The following PLCB1 variants were observed in gnomAD, a reference collection of about 807,000 sequenced individuals.
PLCB1 encodes 1-phosphatidylinositol 4,5-bisphosphate phosphodiesterase beta-1.
In PLCB1, 46 loss-of-function variants were observed where a neutral mutation model predicts 161.8. That is an observed-to-expected ratio of 0.28 (90% CI 0.22 to 0.36). The LOEUF is 0.36. PLCB1 is among the 10% of genes least tolerant of loss of function. PLCB1 has a pLI of 1.00. For synonymous variants in PLCB1, 517 were observed against 503.7 expected (o/e 1.03, Z -0.35); for missense variants, 1,016 against 1,472.5 (o/e 0.69, Z 5.07).
intron 12 of PLCB1, chr20:8,715,983 TCAAGGCTCCAGTTACAG>T (rs1314774540): frequency 2.8e-6 from 1 of 351,628 alleles, no homozygotes; most frequent in East Asian, 4.5e-5. Flanking sequence ...TCTGGGAATT[TCAAGGCTCCAGTTACAG>T]CAAATGACAT....
chr20:8,327,421 T>A (rs1482133670), intron 2 of PLCB1, among the ~76,000 whole-genome samples: 1 of 152,200 alleles, frequency 6.6e-6, no homozygotes, highest in Admixed American at 6.5e-5. Flanking sequence ...AAATCACAGA[T>A]GTTCACATTC....
rs576915824 is a variant in PLCB1 at position 8,264,166 on chromosome 20, G to A, written c.178-107216G>A. Among the ~76,000 whole-genome samples, 148 of 152,046 alleles carry A rather than the reference G, an allele frequency of 9.7e-4. 2 individuals are homozygous for A. The highest frequency in any genetic ancestry group is 3.2e-3 in the African/African-American group (134 of 41,486). ...TATTTAGTTTTTACTTTTTAAACTT[G>A]TTTGTTAAAAACTAAGATGCAAACA... On this transcript the variant is annotated intron_variant, in intron 2 of 31. Coordinates refer to ENST00000338037, the MANE Select transcript of PLCB1 (RefSeq NM_015192.4).
At position 8,611,501 on chromosome 20, in the gene PLCB1, G is replaced by T. The variant is rs527545328; in HGVS notation, c.247-16793G>T. 5.9e-5 allele frequency among the ~76,000 whole-genome samples: 9 copies of T among 152,178 alleles called. No individual in the cohort carries two copies. In the East Asian group the frequency reaches 1.7e-3, roughly 29 times the overall value. On this transcript the variant is annotated intron_variant, in intron 3 of 31. Coordinates refer to ENST00000338037, the MANE Select transcript of PLCB1 (RefSeq NM_015192.4). Reference sequence around the variant, plus strand: ...GATTACCTTAAAATGTAAGAAGCCTGTATTATGACTTTATTTTAATAATAA... The same window carrying T: ...GATTACCTTAAAATGTAAGAAGCCTTTATTATGACTTTATTTTAATAATAA...
intron 3 of PLCB1, among the ~76,000 whole-genome samples, chr20:8,483,715 C>T (rs1982602599): frequency 6.6e-6 from 1 of 151,994 alleles, no homozygotes; most frequent in African/African-American, 2.4e-5. Context: ...TTAAATTCTT[C>T]TAGATTAAAA....
chr20:8,789,622 A>G (rs761841014), intron 30 of PLCB1, 47 bp downstream of exon 30: 41 of 1,389,924 alleles, frequency 2.9e-5, no homozygotes, highest in Non-Finnish European at 4.2e-5. Context: ...ATGTGTGAAC[A>G]TTTGGTGAGC....
chr20:8,541,176 G>C (rs1985299388), intron 3 of PLCB1, among the ~76,000 whole-genome samples: 1 of 152,116 alleles, frequency 6.6e-6, no homozygotes, highest in South Asian at 2.1e-4. Flanking sequence ...AGGAATTTAG[G>C]CTTCAGATCC....
At chr20:8,157,051 T>C (rs1011182870) in intron 2 of PLCB1, among the ~76,000 whole-genome samples, 10 of 152,220 alleles carry the variant, frequency 6.6e-5, no homozygotes, top group Non-Finnish European at 7.3e-5. Flanking sequence ...TCTTTTGATC[T>C]GAAACATTGA....
At chr20:8,713,620 G>A (rs1979141144) in intron 12 of PLCB1, among the ~76,000 whole-genome samples, 1 of 152,198 alleles carries the variant, frequency 6.6e-6, no homozygotes, top group South Asian at 2.1e-4. Context: ...TGGACTCTGT[G>A]TTGGACTCTT....
chr20:8,459,424 G>A (rs943245986), intron 3 of PLCB1, among the ~76,000 whole-genome samples: 1 of 152,156 alleles, frequency 6.6e-6, no homozygotes, highest in African/African-American at 2.4e-5. Flanking sequence ...CCCCTAGTCT[G>A]CCATGTATTG....
chr20:8,774,416 T>C, intron 26 of PLCB1, 123 bp from the exon 27 acceptor site: 1 of 901,444 alleles, frequency 1.1e-6, no homozygotes, highest in Non-Finnish European at 1.7e-6. Flanking sequence ...CTACCCCAAG[T>C]GGCTTATGAA....
chr20:8,259,235 G>GA (rs1447299562), intron 2 of PLCB1, among the ~76,000 whole-genome samples: 2 of 152,044 alleles, frequency 1.3e-5, no homozygotes, highest in African/African-American at 4.8e-5. Context: ...ACTTGTTTTG[G>GA]AAAAAATCCA....
At chr20:8,716,395 A>T in intron 13 of PLCB1, 47 bp downstream of exon 13, 1 of 1,336,410 alleles carries the variant, frequency 7.5e-7, no homozygotes, top group Non-Finnish European at 1.1e-6. Context: ...TGCATTATTG[A>T]TGAATGAGGT....
At chr20:8,881,191 A>C (rs1410768743) in intron 31 of PLCB1, among the ~76,000 whole-genome samples, 1 of 151,834 alleles carries the variant, frequency 6.6e-6, no homozygotes, top group Non-Finnish European at 1.5e-5. Flanking sequence ...GTAGAGATGG[A>C]GTTTCACCCC....
intron 3 of PLCB1, among the ~76,000 whole-genome samples, chr20:8,410,962 T>C (rs1979017063): frequency 6.6e-6 from 1 of 152,212 alleles, no homozygotes; most frequent in East Asian, 1.9e-4. Context: ...GGCAGGGACC[T>C]GAATCTCCCG....
intron 15 of PLCB1, among the ~76,000 whole-genome samples, chr20:8,724,101 C>T (rs1979798086): frequency 6.6e-6 from 1 of 151,102 alleles, no homozygotes; most frequent in Admixed American, 6.6e-5. Context: ...GGAAAAATAA[C>T]TAATGGATGC....
intron 3 of PLCB1, among the ~76,000 whole-genome samples, chr20:8,524,385 T>C (rs1457373433): frequency 1.3e-5 from 2 of 152,148 alleles, no homozygotes; most frequent in African/African-American, 4.8e-5. Context: ...TTTCAGTTTC[T>C]TTCTACAGGA....
chr20:8,288,888 G>T (rs1983252984), intron 2 of PLCB1, among the ~76,000 whole-genome samples: 1 of 152,088 alleles, frequency 6.6e-6, no homozygotes, highest in Non-Finnish European at 1.5e-5. Context: ...TATATTTACT[G>T]CTTATTATCT....
chr20:8,604,172 G>A (rs113058161), intron 3 of PLCB1, among the ~76,000 whole-genome samples: 65 of 140,288 alleles, frequency 4.6e-4, no homozygotes, highest in Admixed American at 1.2e-3. Context: ...AGAATCCCCT[G>A]AACCCGGGAA....
intron 19 of PLCB1, among the ~76,000 whole-genome samples, chr20:8,734,135 CAAAAAAAAAAAAAAA>C (rs10624037): frequency 1.7e-5 from 1 of 57,934 alleles, no homozygotes; most frequent in Non-Finnish European, 2.9e-5. Context: ...GACTCTGTCT[CAAAAAAAAAAAAAAA>C]AAAAAAAAAA....
Sources: allele counts gnomAD v4.1 joint callset (sites outside exome capture counted in the v4.1 genomes callset), GRCh38; gene constraint gnomAD v4.1.1; transcripts MANE v1.5; gene names NCBI Gene and HGNC (gene_info 2026-07-23, HGNC 2026-07-21).